CPNE4: variants seen among roughly 807,000 people sequenced by gnomAD.
CPNE4 encodes copine-4.
CPNE4 carries 25 observed loss-of-function variants against 67.9 expected under a neutral mutation model. That is an observed-to-expected ratio of 0.37 (90% CI 0.27 to 0.51). The LOEUF (loss-of-function observed/expected upper bound fraction) is 0.51, where lower values mean the gene tolerates loss of function less well. CPNE4 is among the 20% of genes least tolerant of loss of function. CPNE4 has a pLI of 0.93. For missense variants in CPNE4, 464 were observed against 690.8 expected (o/e 0.67, Z 3.68); for synonymous variants, 242 against 244.9 (o/e 0.99, Z 0.11).
intron 7 of CPNE4, among the ~76,000 whole-genome samples, chr3:131,655,017 A>C (rs561949065): frequency 2.6e-5 from 4 of 152,242 alleles, no homozygotes. Flanking sequence ...GAGTAATTGA[A>C]TTGGAGTGCA....
chr3:131,611,962 G>C (rs553961484), intron 7 of CPNE4, among the ~76,000 whole-genome samples: 92 of 152,248 alleles, frequency 6.0e-4, no homozygotes, highest in Non-Finnish European at 1.1e-3. Flanking sequence ...GTTTTGCAAA[G>C]CTTACAGTAA....
intron 5 of CPNE4, among the ~76,000 whole-genome samples, chr3:131,687,437 GCTAT>G (rs1213764792): frequency 6.6e-6 from 1 of 152,114 alleles, no homozygotes; most frequent in Non-Finnish European, 1.5e-5. Context: ...AGGATAGGAG[GCTAT>G]CTGAGCAAAA....
chr3:131,897,470 AGTCAGACAGTCTGG>A (rs1329323978), intron 2 of CPNE4, among the ~76,000 whole-genome samples: 1 of 152,140 alleles, frequency 6.6e-6, no homozygotes, highest in East Asian at 1.9e-4. Context: ...ACAGTTTTGA[AGTCAGACAGTCTGG>A]GTTCAATTTG....
intron 2 of CPNE4, among the ~76,000 whole-genome samples, chr3:131,777,621 C>A (rs9853794): frequency 6.6e-6 from 1 of 151,834 alleles, no homozygotes; most frequent in Non-Finnish European, 1.5e-5. Context: ...TTTCTTTGGG[C>A]GGTTGTCTCA....
chr3:131,653,208 C>T (rs941602607), intron 7 of CPNE4, among the ~76,000 whole-genome samples: 2 of 135,490 alleles, frequency 1.5e-5, no homozygotes, highest in African/African-American at 5.8e-5. Flanking sequence ...TGCAGTGGTG[C>T]GATCTCGGCT....
chr3:131,550,650 G>A (rs903352413), intron 13 of CPNE4, among the ~76,000 whole-genome samples: 3 of 152,070 alleles, frequency 2.0e-5, no homozygotes, highest in African/African-American at 7.2e-5. Flanking sequence ...CAGGAATCAT[G>A]ACTTACTTAT....
At chr3:131,935,627 G>A (rs2071199174) in intron 1 of CPNE4, among the ~76,000 whole-genome samples, 1 of 152,094 alleles carries the variant, frequency 6.6e-6, no homozygotes, top group African/African-American at 2.4e-5. Context: ...AAGTAAGACT[G>A]AACAAGGCCT....
intron 1 of CPNE4, among the ~76,000 whole-genome samples, chr3:131,996,991 TAAC>T (rs1427201813): frequency 6.6e-6 from 1 of 151,864 alleles, no homozygotes; most frequent in Non-Finnish European, 1.5e-5. Flanking sequence ...AATAATAATA[TAAC>T]AACAGGCCTG....
intron 2 of CPNE4, among the ~76,000 whole-genome samples, chr3:131,880,303 G>T (rs1000267789): frequency 6.6e-6 from 1 of 151,978 alleles, no homozygotes; most frequent in Non-Finnish European, 1.5e-5. Flanking sequence ...TTTTAGTAGA[G>T]ACGGGTTTTC....
At chr3:131,953,044 C>T (rs2071816609) in intron 1 of CPNE4, among the ~76,000 whole-genome samples, 1 of 151,880 alleles carries the variant, frequency 6.6e-6, no homozygotes, top group South Asian at 2.1e-4. Context: ...TTGAAGGCAG[C>T]ATGCTCGTTA....
intron 7 of CPNE4, among the ~76,000 whole-genome samples, chr3:131,646,845 T>A (rs2079681106): frequency 6.6e-6 from 1 of 152,214 alleles, no homozygotes; most frequent in African/African-American, 2.4e-5. Flanking sequence ...AGGCATCCAG[T>A]GAGTACAGTT....
chr3:131,874,181 C>T (rs1348257315), intron 2 of CPNE4, among the ~76,000 whole-genome samples: 3 of 152,040 alleles, frequency 2.0e-5, no homozygotes, highest in South Asian at 2.1e-4. Flanking sequence ...CTCCGCCTCC[C>T]GGGTTCACGC....
intron 5 of CPNE4, among the ~76,000 whole-genome samples, chr3:131,695,434 A>G (rs1376585488): frequency 6.6e-6 from 1 of 152,194 alleles, no homozygotes; most frequent in Non-Finnish European, 1.5e-5. Context: ...GCCCCCTTTT[A>G]CTATAACATA....
intron 3 of CPNE4, among the ~76,000 whole-genome samples, chr3:131,722,890 C>T (rs573326374): frequency 1.1e-3 from 161 of 152,324 alleles, no homozygotes; most frequent in Non-Finnish European, 2.1e-3. Context: ...AATCACTTAA[C>T]CTCTCTGAGT....
At chr3:131,835,483 C>T (rs964319497) in intron 2 of CPNE4, among the ~76,000 whole-genome samples, 2 of 151,886 alleles carry the variant, frequency 1.3e-5, no homozygotes, top group South Asian at 2.1e-4. Flanking sequence ...GAGCCAAGTT[C>T]GTGCCACTGC....
intron 1 of CPNE4, among the ~76,000 whole-genome samples, chr3:131,908,978 C>A (rs1183835620): frequency 6.6e-6 from 1 of 152,180 alleles, no homozygotes; most frequent in Admixed American, 6.5e-5. Flanking sequence ...TGTGCTCTGA[C>A]TTATCTCCAG....
rs527361911 is a variant in CPNE4, at chr3:131,992,028, A to C, written c.-2+42539T>G. ...TATGGAAATGCCTGGATATCTAGGCAGAAGTTTCCTGCAGGGGTGGAGCCC... is the reference window on the plus strand; with the variant it reads ...TATGGAAATGCCTGGATATCTAGGCCGAAGTTTCCTGCAGGGGTGGAGCCC... On this transcript the variant is annotated intron_variant, in intron 1 of 15. Coordinates refer to ENST00000429747, the MANE Select transcript of CPNE4 (RefSeq NM_130808.3). 4.4e-5 allele frequency among the ~76,000 whole-genome samples: 6 copies of C among 137,054 alleles called. 1 individual carries two copies. The highest frequency in any genetic ancestry group is 8.3e-5 in the Non-Finnish European group (5 of 60,200). The allele number at this position is 137,054 out of a possible 152,430, so 89.9% of individuals were successfully genotyped here.
At chr3:131,598,434 C>T (rs1939014035) in intron 7 of CPNE4, among the ~76,000 whole-genome samples, 1 of 152,152 alleles carries the variant, frequency 6.6e-6, no homozygotes. Flanking sequence ...GAACAATACT[C>T]CCTTTGTTTT....
At chr3:131,771,161 A>G (rs1237474649) in intron 2 of CPNE4, among the ~76,000 whole-genome samples, 4 of 152,160 alleles carry the variant, frequency 2.6e-5, no homozygotes, top group Non-Finnish European at 4.4e-5. Flanking sequence ...TGGTGAAGAG[A>G]CTGAAACATA....
Sources: gnomAD v4.1 joint callset for allele counts (sites outside exome capture counted in the v4.1 genomes callset) on GRCh38, gnomAD v4.1.1 for gene constraint, MANE v1.5 for transcripts, NCBI Gene and HGNC (gene_info 2026-07-23, HGNC 2026-07-21) for gene names.